Variants in CSMD1 observed in about 807,000 individuals in gnomAD.
CSMD1 encodes the protein CUB and sushi domain-containing protein 1.
Under a neutral mutation model 417.5 loss-of-function variants are expected in CSMD1, and 213 were observed. That is an observed-to-expected ratio of 0.51 (90% CI 0.46 to 0.57). The LOEUF is 0.57. CSMD1 is among the 20% of genes least tolerant of loss of function. The pLI is 0.00. For synonymous variants in CSMD1, 2,862 were observed against 1,736.8 expected (o/e 1.65, Z -16.11); for missense variants, 6,923 against 4,529.7 (o/e 1.53, Z -15.17).
chr8:4,405,047 T>A (rs1003496518), intron 3 of CSMD1, among the ~76,000 whole-genome samples: 4 of 152,254 alleles, frequency 2.6e-5, no homozygotes, highest in Non-Finnish European at 5.9e-5. Context: ...GTCGTGACTA[T>A]GCTGGACACT....
intron 25 of CSMD1, among the ~76,000 whole-genome samples, chr8:3,300,924 A>C (rs148764917): frequency 0.046 from 6,142 of 134,050 alleles, 176 homozygotes; most frequent in African/African-American, 0.089. Flanking sequence ...GCGCCACCGC[A>C]CTCCAGCCTG....
chr8:3,797,499 A>C (rs887496795), intron 5 of CSMD1, among the ~76,000 whole-genome samples: 3 of 151,932 alleles, frequency 2.0e-5, no homozygotes, highest in African/African-American at 4.8e-5. Context: ...TCTGATCTTT[A>C]ACTTTATATA....
At chr8:3,165,759 T>C (rs1318990863) in intron 37 of CSMD1, among the ~76,000 whole-genome samples, 1 of 152,066 alleles carries the variant, frequency 6.6e-6, no homozygotes, top group Non-Finnish European at 1.5e-5. Context: ...AGAAGACAGC[T>C]AGGCTTGACA....
At chr8:4,032,910 T>A (rs1797423857) in intron 3 of CSMD1, among the ~76,000 whole-genome samples, 1 of 152,074 alleles carries the variant, frequency 6.6e-6, no homozygotes, top group Non-Finnish European at 1.5e-5. Flanking sequence ...CAGACATGCC[T>A]CATTATACTC....
chr8:3,394,051 TATATAGA>T, intron 17 of CSMD1, among the ~76,000 whole-genome samples: 1 of 122,498 alleles, frequency 8.2e-6, no homozygotes, highest in Non-Finnish European at 1.7e-5. Flanking sequence ...TATATATATA[TATATAGA>T]AAAAAAGAAA....
chr8:3,818,383 T>C (rs1391084830), intron 5 of CSMD1, among the ~76,000 whole-genome samples: 1 of 152,180 alleles, frequency 6.6e-6, no homozygotes, highest in African/African-American at 2.4e-5. Flanking sequence ...TGTTTACTCT[T>C]GGAGGGAAAT....
In CSMD1 at chr8:3,436,163, C is replaced by G. The variant is rs562075934; in HGVS notation, c.1562-26558G>C. On this transcript the variant is annotated intron_variant, in intron 12 of 69. Coordinates refer to ENST00000635120, the MANE Select transcript of CSMD1 (RefSeq NM_033225.6). ...TTTTCTTTATTGAATTTATTACCACCTGGGAGAACATCAAGGCTAAGATAC... is the reference window on the plus strand; with the variant it reads ...TTTTCTTTATTGAATTTATTACCACGTGGGAGAACATCAAGGCTAAGATAC... Among the ~76,000 whole-genome samples the G allele has an allele frequency of 3.9e-5, 6 of 152,210 alleles. No homozygotes were observed. The East Asian group carries it at 1.2e-3, about 30-fold the overall frequency.
intron 6 of CSMD1, among the ~76,000 whole-genome samples, chr8:3,731,087 C>T (rs1045817342): frequency 2.6e-5 from 4 of 152,130 alleles, no homozygotes; most frequent in Non-Finnish European, 5.9e-5. Context: ...ACTTTCTTCC[C>T]AATCAAGTTT....
At chr8:4,090,897 A>T (rs1047790434) in intron 3 of CSMD1, among the ~76,000 whole-genome samples, 2 of 151,890 alleles carry the variant, frequency 1.3e-5, no homozygotes, top group Non-Finnish European at 2.9e-5. Flanking sequence ...ATTATTAGTA[A>T]CATAAGGGGC....
chr8:3,321,468 CA>C (rs1250450202), intron 23 of CSMD1, among the ~76,000 whole-genome samples: 1 of 152,106 alleles, frequency 6.6e-6, no homozygotes, highest in Non-Finnish European at 1.5e-5. Context: ...TGAATCCCAC[CA>C]CAAGTAGGCA....
chr8:3,415,262 G>C (rs1232501564), intron 12 of CSMD1, among the ~76,000 whole-genome samples: 1 of 151,844 alleles, frequency 6.6e-6, no homozygotes, highest in East Asian at 1.9e-4. Context: ...TTTTTTTCTT[G>C]AGAACACCTA....
At chr8:3,886,805 G>T (rs921570561) in intron 5 of CSMD1, among the ~76,000 whole-genome samples, 1 of 152,174 alleles carries the variant, frequency 6.6e-6, no homozygotes, top group Admixed American at 6.5e-5. Context: ...CAGAAGGAAG[G>T]AGGGTAGAAT....
At chr8:4,784,465 A>G (rs1367013331) in intron 1 of CSMD1, among the ~76,000 whole-genome samples, 1 of 152,228 alleles carries the variant, frequency 6.6e-6, no homozygotes, top group Non-Finnish European at 1.5e-5. Context: ...TAACACTTGC[A>G]TTGAAATTTT....
At chr8:4,042,584 G>C (rs1250709452) in intron 3 of CSMD1, among the ~76,000 whole-genome samples, 2 of 151,748 alleles carry the variant, frequency 1.3e-5, no homozygotes, top group Non-Finnish European at 2.9e-5. Flanking sequence ...GCATAGTAAG[G>C]AATTCCAAGC....
chr8:3,739,871 A>G (rs1796704616), intron 6 of CSMD1, among the ~76,000 whole-genome samples: 1 of 152,190 alleles, frequency 6.6e-6, no homozygotes, highest in Admixed American at 6.5e-5. Context: ...AGGGAAGTTG[A>G]AGAATCTCCA....
intron 3 of CSMD1, among the ~76,000 whole-genome samples, chr8:4,259,066 T>A (rs1009575870): frequency 1.3e-5 from 2 of 152,184 alleles, no homozygotes; most frequent in African/African-American, 4.8e-5. Flanking sequence ...TGCTTTGAGT[T>A]TGAACGCTGA....
At chr8:3,428,450 C>A (rs755601956) in intron 12 of CSMD1, among the ~76,000 whole-genome samples, 7 of 152,054 alleles carry the variant, frequency 4.6e-5, no homozygotes, top group Non-Finnish European at 1.0e-4. Flanking sequence ...ATTAAATCAC[C>A]CCAAACTGTT....
intron 3 of CSMD1, among the ~76,000 whole-genome samples, chr8:4,299,609 T>C (rs543977041): frequency 3.9e-5 from 6 of 152,206 alleles, no homozygotes; most frequent in Non-Finnish European, 8.8e-5. Context: ...CCAATATTTT[T>C]GTATCATATC....
chr8:4,439,859 G>A (rs779432149), intron 2 of CSMD1, among the ~76,000 whole-genome samples: 3 of 152,146 alleles, frequency 2.0e-5, no homozygotes, highest in Non-Finnish European at 4.4e-5. Flanking sequence ...TCGAAAGATA[G>A]GATGGTGTAA....
Sources: gnomAD v4.1 joint callset for allele counts (sites outside exome capture counted in the v4.1 genomes callset) on GRCh38, gnomAD v4.1.1 for gene constraint, MANE v1.5 for transcripts, NCBI Gene and HGNC (gene_info 2026-07-23, HGNC 2026-07-21) for gene names.